The following NLGN1 variants were observed in gnomAD, a reference collection of about 807,000 sequenced individuals.
The protein encoded by NLGN1 is neuroligin 1, also known as neuroligin-1.
In NLGN1, 12 loss-of-function variants were observed where a neutral mutation model predicts 65.5. That is an observed-to-expected ratio of 0.18 (90% CI 0.12 to 0.30). The LOEUF (loss-of-function observed/expected upper bound fraction) is 0.30, where lower values mean the gene tolerates loss of function less well. Among genes scored for constraint, NLGN1 ranks in the 10% least tolerant of loss-of-function variants. The probability of loss-of-function intolerance (pLI) is 1.00; values close to 1 mark genes in which losing one functional copy is unlikely to be tolerated. For synonymous variants in NLGN1, 350 were observed against 359.5 expected, an observed-to-expected ratio of 0.97 and a Z score of 0.30; for missense variants, 750 against 1,007.1, an observed-to-expected ratio of 0.74 and a Z score of 3.46.
chr3:173,494,106 T>C (rs1576964296), intron 2 of NLGN1, among the ~76,000 whole-genome samples: 2 of 140,194 alleles, frequency 1.4e-5, no homozygotes, highest in South Asian at 2.3e-4. Flanking sequence ...TTTGTCAATA[T>C]TTAGTGTTAT....
At position 174,018,612 on chromosome 3, in the gene NLGN1, A is replaced by G. The variant is rs1727104064; in HGVS notation, c.646+210780A>G. Among the ~76,000 whole-genome samples the G allele has an allele frequency of 2.0e-5, 3 of 152,232 alleles. No individual in the cohort carries two copies. The South Asian group carries it at 6.2e-4, about 32-fold the overall frequency. On this transcript the variant is annotated intron_variant, in intron 4 of 6. Coordinates refer to ENST00000457714, the Ensembl canonical transcript of NLGN1. ...TCTACATGGCTTTTTGAACAATAAG[A>G]TTCTACAGGTACATCTAGAAACGTT...
intron 3 of NLGN1, among the ~76,000 whole-genome samples, chr3:173,753,974 T>TATAATATAATATAATATAATATAA (rs1560301629): frequency 1.4e-5 from 2 of 146,844 alleles, no homozygotes; most frequent in African/African-American, 4.9e-5. Flanking sequence ...TATAATATAA[T>TATAATATAATATAATATAATATAA]ATCTACTCAG....
At chr3:174,162,682 C>T (rs1353863939) in intron 4 of NLGN1, among the ~76,000 whole-genome samples, 1 of 151,302 alleles carries the variant, frequency 6.6e-6, no homozygotes, top group Non-Finnish European at 1.5e-5. Context: ...GGATCCTAAC[C>T]ATGAATTAGC....
At chr3:173,825,868 T>A (rs1458421602) in intron 4 of NLGN1, among the ~76,000 whole-genome samples, 1 of 152,090 alleles carries the variant, frequency 6.6e-6, no homozygotes, top group East Asian at 1.9e-4. Flanking sequence ...TTGGTTTTTT[T>A]AAATAAGTCT....
chr3:174,211,598 A>C (rs560934154), intron 4 of NLGN1, among the ~76,000 whole-genome samples: 116 of 151,650 alleles, frequency 7.6e-4, no homozygotes, highest in Non-Finnish European at 1.3e-3. Flanking sequence ...TCCCCACCAG[A>C]GCAGCTAGAT....
intron 4 of NLGN1, among the ~76,000 whole-genome samples, chr3:174,182,457 C>T (rs550911098): frequency 6.6e-6 from 1 of 152,182 alleles, no homozygotes; most frequent in South Asian, 2.1e-4. Context: ...ATAATGTGGG[C>T]ATGGAGAACT....
At chr3:173,728,206 G>C (rs1380851560) in intron 3 of NLGN1, among the ~76,000 whole-genome samples, 1 of 151,964 alleles carries the variant, frequency 6.6e-6, no homozygotes, top group African/African-American at 2.4e-5. Context: ...GTGTAGTAGA[G>C]AAAAATGACT....
At chr3:174,292,610 C>T in the NLGN1 span, among the ~76,000 whole-genome samples, 2 of 151,214 alleles carry the variant, frequency 1.3e-5, no homozygotes, top group African/African-American at 2.4e-5. Flanking sequence ...ATATTTTGTC[C>T]TGCCATTCCT....
intron 4 of NLGN1, among the ~76,000 whole-genome samples, chr3:174,177,257 G>A (rs1039711428): frequency 6.6e-6 from 1 of 151,608 alleles, no homozygotes; most frequent in Admixed American, 6.6e-5. Flanking sequence ...TCTAACAGAG[G>A]GTATTATAGG....
chr3:173,683,168 T>A lies in NLGN1; in HGVS notation c.493+78077T>A, dbSNP rs1053608971. Among the ~76,000 whole-genome samples the A allele has an allele frequency of 2.0e-5, 3 of 152,186 alleles. No individual in the cohort carries two copies. In the South Asian group the frequency reaches 6.2e-4, roughly 32 times the overall value. On this transcript the variant is annotated intron_variant, in intron 3 of 6. Coordinates refer to ENST00000457714, the Ensembl canonical transcript of NLGN1. ...TTATAAATGATGTATAAGAATCTATTTTTTGCTCCTTATAAAATACAGAGA... is the reference window on the plus strand; with the variant it reads ...TTATAAATGATGTATAAGAATCTATATTTTGCTCCTTATAAAATACAGAGA...
intron 2 of NLGN1, among the ~76,000 whole-genome samples, chr3:173,517,563 T>C (rs1023487630): frequency 2.0e-5 from 3 of 152,128 alleles, no homozygotes; most frequent in African/African-American, 7.2e-5. Context: ...TATAGAGTAT[T>C]GTGTCCTCTG....
At chr3:173,702,114 C>T (rs973111446) in intron 3 of NLGN1, among the ~76,000 whole-genome samples, 2 of 149,452 alleles carry the variant, frequency 1.3e-5, no homozygotes, top group South Asian at 4.2e-4. Context: ...TGGCGGGCGC[C>T]TGTAGTCCCA....
intron 2 of NLGN1, among the ~76,000 whole-genome samples, chr3:173,492,260 A>G (rs926274799): frequency 1.3e-5 from 2 of 151,870 alleles, no homozygotes; most frequent in African/African-American, 4.9e-5. Context: ...TGTTATTACT[A>G]GGAATATGTC....
intron 4 of NLGN1, among the ~76,000 whole-genome samples, chr3:174,048,361 T>C (rs563309840): frequency 4.9e-4 from 74 of 152,146 alleles, no homozygotes; most frequent in African/African-American, 1.7e-3. Flanking sequence ...GATTGGATGA[T>C]TTAGAGAAGA....
intron 3 of NLGN1, among the ~76,000 whole-genome samples, chr3:173,647,515 T>C (rs1560103089): frequency 6.6e-6 from 1 of 152,012 alleles, no homozygotes; most frequent in Non-Finnish European, 1.5e-5. Context: ...CTTAATGGAA[T>C]TGAAATGGAA....
intron 4 of NLGN1, among the ~76,000 whole-genome samples, chr3:174,090,737 A>ATT (rs59855485): frequency 0.12 from 17,709 of 146,878 alleles, 1,109 homozygotes; most frequent in East Asian, 0.19. Flanking sequence ...GAAAACAATG[A>ATT]TTTTTTTTTT....
At chr3:173,774,787 G>T (rs927418138) in intron 3 of NLGN1, among the ~76,000 whole-genome samples, 1 of 151,892 alleles carries the variant, frequency 6.6e-6, no homozygotes, top group Non-Finnish European at 1.5e-5. Flanking sequence ...AGATATTTGG[G>T]GAGTGAGAGG....
intron 4 of NLGN1, among the ~76,000 whole-genome samples, chr3:174,214,778 T>C (rs1308009038): frequency 2.6e-5 from 4 of 152,246 alleles, no homozygotes; most frequent in South Asian, 4.1e-4. Flanking sequence ...TGATTGGTGG[T>C]CATCAGGGAC....
Position 173,541,184 on chromosome 3 carries a change from A to T in NLGN1, c.-320-63095A>T, listed in dbSNP as rs547223615. ...AAGAACATTATAAAGGCATTTATAGAGTGCTAAAAAGGAGAATTCATTCTA... is the reference window on the plus strand; with the variant it reads ...AAGAACATTATAAAGGCATTTATAGTGTGCTAAAAAGGAGAATTCATTCTA... On this transcript the variant is annotated intron_variant, in intron 2 of 6. Coordinates refer to ENST00000457714, the Ensembl canonical transcript of NLGN1. 1.4e-4 allele frequency among the ~76,000 whole-genome samples: 22 copies of T among 152,332 alleles called. No homozygotes were observed. In the South Asian group the frequency reaches 3.9e-3, roughly 27 times the overall value.
Sources: allele counts gnomAD v4.1 joint callset (sites outside exome capture counted in the v4.1 genomes callset), GRCh38; gene constraint gnomAD v4.1.1; transcripts MANE v1.5; gene names NCBI Gene and HGNC (gene_info 2026-07-23, HGNC 2026-07-21).